Variants in ADCY2 observed in about 807,000 individuals in gnomAD.
The protein encoded by ADCY2 is adenylate cyclase 2, also known as adenylate cyclase type 2.
Under a neutral mutation model 125.2 loss-of-function variants are expected in ADCY2, and 31 were observed. That is an observed-to-expected ratio of 0.25 (90% CI 0.19 to 0.33). The LOEUF (loss-of-function observed/expected upper bound fraction) is 0.33, where lower values mean the gene tolerates loss of function less well. Ranked by LOEUF, ADCY2 falls within the 10% of genes least tolerant of loss-of-function variation. The probability of loss-of-function intolerance (pLI) is 1.00; values close to 1 mark genes in which losing one functional copy is unlikely to be tolerated. For synonymous variants in ADCY2, 512 were observed against 548.4 expected (o/e 0.93, Z 0.93); for missense variants, 904 against 1,418.2 (o/e 0.64, Z 5.82).
intron 22 of ADCY2, among the ~76,000 whole-genome samples, chr5:7,807,649 C>T (rs898551763): frequency 6.6e-6 from 1 of 152,104 alleles, no homozygotes; most frequent in Admixed American, 6.5e-5. Flanking sequence ...CATTCGATCT[C>T]CACCAAAACC....
rs560807889 is a variant in ADCY2, at chr5:7,532,392, G to A, written c.570+11493G>A. 5.9e-5 allele frequency among the ~76,000 whole-genome samples: 9 copies of A among 152,214 alleles called. No homozygotes were observed. The South Asian group carries it at 1.0e-3, about 18-fold the overall frequency. On this transcript the variant is annotated intron_variant, in intron 3 of 24. Coordinates refer to ENST00000338316, the MANE Select transcript of ADCY2 (RefSeq NM_020546.3). ...TTCATTTGATCCCCTTAGGTTTTCC[G>A]GGTAAGTAGTCATGTCATTTTCAAG...
chr5:7,815,976 C>G (rs189611850), intron 22 of ADCY2, among the ~76,000 whole-genome samples: 297 of 152,332 alleles, frequency 1.9e-3, no homozygotes, highest in Non-Finnish European at 3.6e-3. Context: ...TCTTTCCTTC[C>G]TCTCCTTGTG....
At chr5:7,596,854 A>G (rs1490260495) in intron 3 of ADCY2, among the ~76,000 whole-genome samples, 1 of 152,248 alleles carries the variant, frequency 6.6e-6, no homozygotes, top group East Asian at 1.9e-4. Flanking sequence ...GAATCAGTAA[A>G]TTAGAGTAGT....
chr5:7,805,161 C>CA (rs35073546), intron 22 of ADCY2, among the ~76,000 whole-genome samples: 18,070 of 141,524 alleles, frequency 0.13, 1,979 homozygotes, highest in African/African-American at 0.31. Context: ...ACCAAAAATA[C>CA]AAAAAAAAAA....
intron 2 of ADCY2, among the ~76,000 whole-genome samples, chr5:7,468,862 A>G (rs78826221): frequency 0.03 from 4,625 of 152,226 alleles, 92 homozygotes; most frequent in Middle Eastern, 0.054. Flanking sequence ...TAACACCTTC[A>G]AAAAATGTTT....
intron 3 of ADCY2, among the ~76,000 whole-genome samples, chr5:7,592,932 T>A (rs1411764744): frequency 6.6e-6 from 1 of 152,170 alleles, no homozygotes; most frequent in Admixed American, 6.5e-5. Flanking sequence ...AAAAAGAGAA[T>A]TCCTCCTGGG....
At chr5:7,402,035 G>A (rs1203255360) in intron 1 of ADCY2, among the ~76,000 whole-genome samples, 1 of 152,204 alleles carries the variant, frequency 6.6e-6, no homozygotes, top group Non-Finnish European at 1.5e-5. Flanking sequence ...CACCCTGGAT[G>A]GCAGTCCACC....
intron 2 of ADCY2, among the ~76,000 whole-genome samples, chr5:7,504,783 A>G (rs532620287): frequency 3.3e-5 from 5 of 151,992 alleles, no homozygotes; most frequent in Admixed American, 6.5e-5. Flanking sequence ...TGCTGGGACT[A>G]CATGTGTGAG....
intron 2 of ADCY2, among the ~76,000 whole-genome samples, chr5:7,427,589 A>G (rs1475089423): frequency 1.3e-5 from 2 of 152,158 alleles, no homozygotes; most frequent in East Asian, 1.9e-4. Flanking sequence ...GGGAACTACA[A>G]TTGAAGATGA....
Position 7,757,587 on chromosome 5 carries a change from G to A in ADCY2, c.2094+1G>A, listed in dbSNP as rs1221824557. 2 of 1,565,470 alleles carry A rather than the reference G, an allele frequency of 1.3e-6. No individual in the cohort carries two copies. The highest frequency in any genetic ancestry group is 1.7e-6 in the Non-Finnish European group (2 of 1,143,792). ...ATTAATGATGGCCGTGTTCAACATG[G>A]TAAGTCCCAGAGCACGGCCGTGTTC... On this transcript the variant is annotated splice_donor_variant, in intron 16 of 24. Transcript: ENST00000338316. LOFTEE classifies it high-confidence loss of function.
intron 2 of ADCY2, among the ~76,000 whole-genome samples, chr5:7,506,937 G>A (rs1278430711): frequency 8.0e-5 from 12 of 149,676 alleles, no homozygotes; most frequent in African/African-American, 9.8e-5. Flanking sequence ...ACGGGCACCC[G>A]CCACCATGCC....
At chr5:7,471,112 T>G (rs533936720) in intron 2 of ADCY2, among the ~76,000 whole-genome samples, 1 of 151,910 alleles carries the variant, frequency 6.6e-6, no homozygotes, top group Non-Finnish European at 1.5e-5. Context: ...TTTATCTTTT[T>G]TAAAATTTTT....
intron 2 of ADCY2, among the ~76,000 whole-genome samples, chr5:7,440,986 A>G (rs1435452668): frequency 6.6e-6 from 1 of 152,194 alleles, no homozygotes; most frequent in Admixed American, 6.5e-5. Context: ...TAGCGCAGGC[A>G]GGGAACGGAG....
At chr5:7,564,261 GAC>G in intron 3 of ADCY2, among the ~76,000 whole-genome samples, 1 of 152,104 alleles carries the variant, frequency 6.6e-6, no homozygotes, top group East Asian at 1.9e-4. Flanking sequence ...GAAGCATGAG[GAC>G]ACATTTATAT....
chr5:7,459,333 C>T (rs1579464316), intron 2 of ADCY2, among the ~76,000 whole-genome samples: 1 of 152,258 alleles, frequency 6.6e-6, no homozygotes, highest in African/African-American at 2.4e-5. Context: ...AACCCCAGTC[C>T]AAAGGATTGT....
intron 22 of ADCY2, among the ~76,000 whole-genome samples, chr5:7,809,084 C>T (rs892477143): frequency 7.9e-5 from 12 of 152,140 alleles, no homozygotes; most frequent in African/African-American, 2.9e-4. Context: ...AATACTTAAT[C>T]GACTCCATGG....
chr5:7,810,601 CTGAT>C (rs1412740168), intron 22 of ADCY2, among the ~76,000 whole-genome samples: 1 of 151,896 alleles, frequency 6.6e-6, no homozygotes, highest in African/African-American at 2.4e-5. Context: ...TGTGGGCTAC[CTGAT>C]TGATTGGTGG....
chr5:7,743,612 T>TCCAGAATGAGAGAAACGATCTCCAC (rs1383919007), intron 14 of ADCY2, 56 bp from the exon 15 acceptor site: 64 of 1,525,466 alleles, frequency 4.2e-5, no homozygotes, highest in Non-Finnish European at 5.7e-5. Context: ...CTGGTAGCTT[T>TCCAGAATGAGAGAAACGATCTCCAC]CCAGAATGAG....
chr5:7,407,216 C>T (rs1227750381), intron 1 of ADCY2, among the ~76,000 whole-genome samples: 3 of 152,160 alleles, frequency 2.0e-5, no homozygotes, highest in Non-Finnish European at 4.4e-5. Flanking sequence ...TAATTATCTC[C>T]ACAGTTACTC....
Sources: gnomAD v4.1 joint callset for allele counts (sites outside exome capture counted in the v4.1 genomes callset) on GRCh38, gnomAD v4.1.1 for gene constraint, MANE v1.5 for transcripts, NCBI Gene and HGNC (gene_info 2026-07-23, HGNC 2026-07-21) for gene names.